The following PCDHGB2 variants were observed in gnomAD, a reference collection of about 807,000 sequenced individuals.
PCDHGB2 encodes protocadherin gamma subfamily B, 2, also known as protocadherin gamma-B2.
A neutral mutation model predicts 59.3 loss-of-function variants in PCDHGB2; 55 were observed. The ratio of observed to expected loss-of-function variants is 0.93; its 90% CI spans 0.75 to 1.16. The LOEUF (loss-of-function observed/expected upper bound fraction) is 1.16, where lower values mean the gene tolerates loss of function less well. PCDHGB2 is among the 50% of genes most tolerant of loss of function. PCDHGB2 has a pLI of 0.00. For synonymous variants in PCDHGB2, 516 were observed against 512.0 expected (o/e 1.01, Z -0.11); for missense variants, 1,228 against 1,198.5 (o/e 1.02, Z -0.36).
At chr5:141,393,299 G>T (rs768038476) in intron 1 of PCDHGB2, 8 of 1,613,780 alleles carry the variant, frequency 5.0e-6, no homozygotes, top group Middle Eastern at 1.6e-4. Context: ...ACCCGGATGT[G>T]GGCGTGAACT....
At chr5:141,427,355 C>T (rs765449381) in intron 1 of PCDHGB2, 2 of 457,430 alleles carry the variant, frequency 4.4e-6, no homozygotes, top group African/African-American at 2.0e-5. Flanking sequence ...TAACTGAGGA[C>T]GCAGAACCCT....
chr5:141,365,428 C>A (rs1588613200), intron 1 of PCDHGB2: 1 of 1,613,992 alleles, frequency 6.2e-7, no homozygotes, highest in Non-Finnish European at 8.5e-7. Flanking sequence ...GAACTGTAAT[C>A]GCGCTGTTTA....
Position 141,360,842 on chromosome 5 carries a change from A to T in PCDHGB2, c.707A>T (p.Asn236Ile). 1 of 1,614,028 alleles carries T rather than the reference A, an allele frequency of 6.2e-7. No individual in the cohort carries two copies. The highest frequency in any genetic ancestry group is 1.1e-5 in the South Asian group (1 of 91,084). The stretch of plus-strand genomic sequence containing the variant: ...ATCCGAATCAAAGTCACGGATGCCA[A>T]CGATAACCCTCCAGTGTTCAGCCAG... ...TQIRIKVTDA[N>I]DNPPVFSQDV... The change falls in exon 1 of 4, where the codon AAC becomes ATC. Residue 236 changes from asparagine to isoleucine, a missense_variant. By Grantham distance (149) the Asn-to-Ile change is moderately radical. This residue lies in a region of PCDHGB2 where 781 missense variants were observed against 721.6 expected (regional missense o/e 1.08). Transcript: ENST00000522605.
chr5:141,371,239 T>A (rs1319098085), intron 1 of PCDHGB2: 2 of 1,614,010 alleles, frequency 1.2e-6, no homozygotes, highest in East Asian at 2.2e-5. Flanking sequence ...TATGCCTTCA[T>A]CAATATTGGC....
At position 141,476,247 on chromosome 5, in the gene PCDHGB2, G is replaced by C. The variant is rs1439421662; in HGVS notation, c.2422-18560G>C. 1 of 1,614,042 alleles carries C rather than the reference G, an allele frequency of 6.2e-7. No individual in the cohort carries two copies. Among genetic ancestry groups the C allele is most frequent in the Non-Finnish European group, 8.5e-7 (1 of 1,180,010 alleles). ...GAGATCCCGGAGGAAAGAGAGAAGG[G>C]TTTCGCTGTGGGCAACGTGGTCGCG... On this transcript the variant is annotated intron_variant, in intron 1 of 3. Coordinates refer to ENST00000522605, the MANE Select transcript of PCDHGB2 (RefSeq NM_018923.3). The surrounding 1 kb of genome is among the most constrained non-coding windows in gnomAD (Gnocchi z 7.6).
chr5:141,497,538 AC>A lies in PCDHGB2; in HGVS notation c.2480+2675del, dbSNP rs1247704872. Among the ~76,000 whole-genome samples, 601 of 142,636 alleles carry A rather than the reference AC, an allele frequency of 4.2e-3. 3 individuals are homozygous for A. Among genetic ancestry groups the A allele is most frequent in the African/African-American group, 0.013 (497 of 38,408 alleles). The allele number at this position is 142,636 out of a possible 152,430, so 93.6% of individuals were successfully genotyped here. On this transcript the variant is annotated intron_variant, in intron 2 of 3. Coordinates refer to ENST00000522605, the MANE Select transcript of PCDHGB2 (RefSeq NM_018923.3). ...AGTTAACTTGTGGAGGATGCAACAA[AC>A]CTTTTTTTTTTTTTTTTTTAGACAG...
At chr5:141,461,011 A>G (rs971172615) in intron 1 of PCDHGB2, among the ~76,000 whole-genome samples, 2 of 151,288 alleles carry the variant, frequency 1.3e-5, no homozygotes, top group Non-Finnish European at 2.9e-5. Context: ...ATATATATAT[A>G]CCACATTTTC....
intron 1 of PCDHGB2, chr5:141,375,721 G>T (rs1194190814): frequency 6.2e-7 from 1 of 1,614,266 alleles, no homozygotes; most frequent in South Asian, 1.1e-5. Context: ...GCAGCAACGT[G>T]TCACTGAGCC....
At chr5:141,494,979 T>C in intron 2 of PCDHGB2, 114 bp downstream of exon 2, 1 of 1,571,464 alleles carries the variant, frequency 6.4e-7, no homozygotes, top group Admixed American at 1.8e-5. Flanking sequence ...TCCCTCAGTT[T>C]GAGATCCCAG....
At chr5:141,451,776 G>C (rs1279891846) in intron 1 of PCDHGB2, among the ~76,000 whole-genome samples, 1 of 152,078 alleles carries the variant, frequency 6.6e-6, no homozygotes, top group Non-Finnish European at 1.5e-5. Flanking sequence ...AGCTACTCAG[G>C]AGGCTGAGGC....
At chr5:141,445,148 C>A (rs1051995635) in intron 1 of PCDHGB2, among the ~76,000 whole-genome samples, 3 of 152,092 alleles carry the variant, frequency 2.0e-5, no homozygotes, top group Non-Finnish European at 4.4e-5. Context: ...TCTAATTGTT[C>A]ATTTCTAGTT....
intron 1 of PCDHGB2, among the ~76,000 whole-genome samples, chr5:141,363,411 T>C (rs1315890359): frequency 6.6e-6 from 1 of 152,244 alleles, no homozygotes; most frequent in African/African-American, 2.4e-5. Flanking sequence ...ATGATAGCAG[T>C]AAATATCTGT....
intron 1 of PCDHGB2, chr5:141,408,041 C>T: frequency 1.7e-6 from 2 of 1,193,652 alleles, no homozygotes; most frequent in Non-Finnish European, 2.3e-6. Context: ...AAACCAGCTC[C>T]CACACAGAGC....
rs762574320 is a variant in PCDHGB2, at chr5:141,485,926, G to T, written c.2422-8881G>T. 2.5e-6 allele frequency: 4 copies of T among 1,614,090 alleles called. No individual in the cohort carries two copies. The highest frequency in any genetic ancestry group is 3.4e-6 in the Non-Finnish European group (4 of 1,180,052). On this transcript the variant is annotated intron_variant, in intron 1 of 3. Transcript: ENST00000522605. This position sits in a 1 kb window ranked among gnomAD's most constrained non-coding sequence, Gnocchi z 5.7. Reference sequence around the variant, plus strand: ...AGCAATCCAGCTACAGGATTAGTGTGTTGGAGAGCGCACCAGCGGGCATGG... The same window carrying T: ...AGCAATCCAGCTACAGGATTAGTGTTTTGGAGAGCGCACCAGCGGGCATGG...
At position 141,491,154 on chromosome 5, in the gene PCDHGB2, C is replaced by T. The variant is rs773308291; in HGVS notation, c.2422-3653C>T. ...CAGCCCGGGCCTTACTGGAGGATGACTCTGACACCCAGCAGGTGGTGGTCC... is the reference window on the plus strand; with the variant it reads ...CAGCCCGGGCCTTACTGGAGGATGATTCTGACACCCAGCAGGTGGTGGTCC... On this transcript the variant is annotated intron_variant, in intron 1 of 3. Coordinates refer to ENST00000522605, the MANE Select transcript of PCDHGB2 (RefSeq NM_018923.3). The surrounding 1 kb of genome is among the most constrained non-coding windows in gnomAD (Gnocchi z 6.9). The T allele has an allele frequency of 6.2e-7, 1 of 1,614,162 alleles. No homozygotes were observed. The highest frequency in any genetic ancestry group is 1.7e-5 in the Admixed American group (1 of 60,026).
rs767107885 is a variant in PCDHGB2, at chr5:141,423,138, C to T, written c.2421+60582C>T. ...CAGCGCGGGCACTGCTGGACAGAGA[C>T]GCGCTCAAGCAGAGCCTCGTGGTGG... On this transcript the variant is annotated intron_variant, in intron 1 of 3. Transcript: ENST00000522605. 2.5e-6 allele frequency: 4 copies of T among 1,613,606 alleles called. 1 individual carries two copies. The highest frequency in any genetic ancestry group is 3.4e-6 in the Non-Finnish European group (4 of 1,179,912).
Position 141,360,210 on chromosome 5 carries a change from C to T in PCDHGB2, c.75C>T (p.Phe25=), listed in dbSNP as rs748051773. The change falls in exon 1 of 4, where the codon TTC becomes TTT. Residue 25 remains phenylalanine (F), a synonymous_variant. Coordinates refer to ENST00000522605, the MANE Select transcript of PCDHGB2 (RefSeq NM_018923.3). The stretch of plus-strand genomic sequence containing the variant: ...TGTTGCCCTTCCTGTTGTCTTTGTT[C>T]CCCGGGGCTCTCCCAGTCCAGATCC... ...QVLLPFLLSL[F]PGALPVQIRY... is the part of the protein sequence containing the mutation. 1.2e-6 allele frequency: 2 copies of T among 1,613,122 alleles called. No homozygotes were observed. Among genetic ancestry groups the T allele is most frequent in the Non-Finnish European group, 1.7e-6 (2 of 1,179,492 alleles).
intron 1 of PCDHGB2, among the ~76,000 whole-genome samples, chr5:141,494,529 G>C (rs952931724): frequency 1.3e-5 from 2 of 152,132 alleles, no homozygotes; most frequent in African/African-American, 4.8e-5. Flanking sequence ...TCTGACTCTG[G>C]GGGCAGGGAG....
intron 1 of PCDHGB2, chr5:141,415,740 G>GTTTTTTGT (rs2095911797): frequency 1.9e-6 from 1 of 515,998 alleles, no homozygotes; most frequent in East Asian, 8.3e-5. Flanking sequence ...GTTTATTAAG[G>GTTTTTTGT]TTTTTTTTTT....
Sources: gnomAD v4.1 joint callset for allele counts (sites outside exome capture counted in the v4.1 genomes callset) on GRCh38, gnomAD v4.1.1 for gene constraint, gnomAD v4.1.1 regional missense constraint, Gnocchi (gnomAD v3.1) non-coding constraint, MANE v1.5 for transcripts, NCBI Gene and HGNC (gene_info 2026-07-23, HGNC 2026-07-21) for gene names.